The following EEF1AKMT1 variants were observed in gnomAD, a reference collection of about 807,000 sequenced individuals.
EEF1AKMT1 encodes the protein EEF1A lysine methyltransferase 1.
In EEF1AKMT1, 18 loss-of-function variants were observed where a neutral mutation model predicts 21.0. That is an observed-to-expected ratio of 0.86 (90% CI 0.59 to 1.27). The LOEUF is 1.27. Ranked by LOEUF, EEF1AKMT1 falls within the 50% of genes most tolerant of loss-of-function variation. The pLI, the probability that EEF1AKMT1 is intolerant of heterozygous loss-of-function variation, is 0.00. For missense variants in EEF1AKMT1, 246 were observed against 258.6 expected (o/e 0.95, Z 0.33); for synonymous variants, 109 against 94.8 (o/e 1.15, Z -0.87).
At chr13:20,764,913 A>C (rs1412535706) in intron 1 of EEF1AKMT1, among the ~76,000 whole-genome samples, 2 of 144,772 alleles carry the variant, frequency 1.4e-5, no homozygotes, top group African/African-American at 5.1e-5. Flanking sequence ...ACACACACAC[A>C]CACACCCTAA....
intron 1 of EEF1AKMT1, among the ~76,000 whole-genome samples, chr13:20,765,384 G>T (rs2059023419): frequency 8.3e-6 from 1 of 120,142 alleles, no homozygotes; most frequent in Admixed American, 8.7e-5. Flanking sequence ...TTCATTATTT[G>T]CTTTCTGTTT....
chr13:20,748,731 T>TG, intron 2 of EEF1AKMT1, among the ~76,000 whole-genome samples: 1 of 130,488 alleles, frequency 7.7e-6, no homozygotes, highest in South Asian at 2.7e-4. Context: ...TTTTGGTTTT[T>TG]TTTTTTTTTT....
chr13:20,757,479 G>A lies in EEF1AKMT1; in HGVS notation c.120C>T (p.Asn40=). The A allele has an allele frequency of 6.2e-7, 1 of 1,614,100 alleles. No individual in the cohort carries two copies. Among genetic ancestry groups the A allele is most frequent in the Non-Finnish European group, 8.5e-7 (1 of 1,180,032 alleles). Residue 40 remains asparagine, a synonymous_variant, in exon 2 of 5, where the codon AAC becomes AAT. Transcript: ENST00000382758. ...QIEPGEDDKY[N]IGIIEENWQL... is the part of the protein sequence containing the mutation. ...CCCAATTCTCTTCTATTATTCCAAT[G>A]TTATATTTATCATCCTCGCCTGGCT...
chr13:20,765,571 C>T (rs1175121079), intron 1 of EEF1AKMT1, among the ~76,000 whole-genome samples: 1 of 151,858 alleles, frequency 6.6e-6, no homozygotes, highest in Non-Finnish European at 1.5e-5. Context: ...GGCCACCACA[C>T]CTGGCTATTT....
chr13:20,740,717 C>T (rs35162964), intron 2 of EEF1AKMT1, among the ~76,000 whole-genome samples: 6,341 of 152,210 alleles, frequency 0.042, 308 homozygotes, highest in African/African-American at 0.11. Flanking sequence ...GCAGGAGAAT[C>T]GCTTGAACCT....
chr13:20,757,860 T>C (rs2058979538), intron 1 of EEF1AKMT1, among the ~76,000 whole-genome samples: 1 of 152,202 alleles, frequency 6.6e-6, no homozygotes, highest in Non-Finnish European at 1.5e-5. Flanking sequence ...CCTTCCTTTG[T>C]AATTCAGACA....
intron 4 of EEF1AKMT1, among the ~76,000 whole-genome samples, chr13:20,729,841 A>AC (rs1209216242): frequency 1.3e-5 from 2 of 152,126 alleles, no homozygotes; most frequent in East Asian, 3.9e-4. Context: ...CTTGCAGGCC[A>AC]CCGCCCTCCC....
At chr13:20,745,770 C>T (rs2058900475) in intron 2 of EEF1AKMT1, among the ~76,000 whole-genome samples, 1 of 152,074 alleles carries the variant, frequency 6.6e-6, no homozygotes, top group Non-Finnish European at 1.5e-5. Flanking sequence ...ACTGCTTGAA[C>T]CTGGGAGGCA....
At chr13:20,759,447 G>T (rs1286451240) in intron 1 of EEF1AKMT1, among the ~76,000 whole-genome samples, 1 of 152,070 alleles carries the variant, frequency 6.6e-6, no homozygotes, top group Non-Finnish European at 1.5e-5. Context: ...AGGCATGGTG[G>T]CGGGCATCTG....
chr13:20,761,013 CTT>C (rs2058998788), intron 1 of EEF1AKMT1, among the ~76,000 whole-genome samples: 1 of 152,198 alleles, frequency 6.6e-6, no homozygotes, highest in Admixed American at 6.5e-5. Context: ...ATGGTAGTAA[CTT>C]ATATAACTAC....
At chr13:20,754,306 C>A (rs7988455) in intron 2 of EEF1AKMT1, among the ~76,000 whole-genome samples, 14,026 of 151,270 alleles carry the variant, frequency 0.093, 793 homozygotes, top group Non-Finnish European at 0.13. Context: ...AATATATCAC[C>A]CCATTCCCTC....
chr13:20,773,626 C>T (rs943253908), intron 1 of EEF1AKMT1, among the ~76,000 whole-genome samples: 1 of 152,246 alleles, frequency 6.6e-6, no homozygotes, highest in Admixed American at 6.5e-5. Flanking sequence ...ATTTCCCCGT[C>T]AGCACCAAGG....
chr13:20,745,056 G>A (rs2058895213), intron 2 of EEF1AKMT1, among the ~76,000 whole-genome samples: 1 of 152,138 alleles, frequency 6.6e-6, no homozygotes, highest in Non-Finnish European at 1.5e-5. Context: ...ATCTGTTTTG[G>A]CAACAGTGCC....
intron 2 of EEF1AKMT1, among the ~76,000 whole-genome samples, chr13:20,742,117 T>C (rs745957986): frequency 1.3e-4 from 20 of 152,204 alleles, no homozygotes; most frequent in Non-Finnish European, 2.2e-4. Flanking sequence ...GAAGGGCATA[T>C]ACAGTTAATA....
chr13:20,746,568 T>G (rs1256391183), intron 2 of EEF1AKMT1, among the ~76,000 whole-genome samples: 1 of 152,222 alleles, frequency 6.6e-6, no homozygotes, highest in African/African-American at 2.4e-5. Flanking sequence ...GTTCACTTGA[T>G]TTCGGAGGTG....
chr13:20,762,293 C>T (rs2059005408), intron 1 of EEF1AKMT1, among the ~76,000 whole-genome samples: 1 of 151,656 alleles, frequency 6.6e-6, no homozygotes. Context: ...AGCGATTCTC[C>T]CTGCTTCAGC....
chr13:20,747,489 G>A (rs2058912738), intron 2 of EEF1AKMT1: 1 of 75,226 alleles, frequency 1.3e-5, no homozygotes, highest in Non-Finnish European at 2.4e-5. Context: ...TTTTTGAGAT[G>A]GAGTGTCTCT....
At chr13:20,742,006 G>A (rs182565399) in intron 2 of EEF1AKMT1, among the ~76,000 whole-genome samples, 1 of 152,140 alleles carries the variant, frequency 6.6e-6, no homozygotes. Flanking sequence ...AATTATTCCT[G>A]TTACAAACAT....
intron 2 of EEF1AKMT1, among the ~76,000 whole-genome samples, chr13:20,741,740 C>T (rs1380589898): frequency 6.6e-6 from 1 of 152,056 alleles, no homozygotes; most frequent in East Asian, 1.9e-4. Context: ...AGGGGTGAGC[C>T]ACCGCGCCCA....
Sources: gnomAD v4.1 joint callset for allele counts (sites outside exome capture counted in the v4.1 genomes callset) on GRCh38, gnomAD v4.1.1 for gene constraint, MANE v1.5 for transcripts, NCBI Gene and HGNC (gene_info 2026-07-23, HGNC 2026-07-21) for gene names.